The following XIRP2 variants were observed in gnomAD, a reference collection of about 807,000 sequenced individuals.
XIRP2 encodes xin actin-binding repeat-containing protein 2.
In XIRP2, 236 loss-of-function variants were observed where a neutral mutation model predicts 277.0. The ratio of observed to expected loss-of-function variants is 0.85; its 90% confidence interval spans 0.77 to 0.95. The LOEUF (loss-of-function observed/expected upper bound fraction) is 0.95, where lower values mean the gene tolerates loss of function less well. XIRP2 is among the 40% of genes least tolerant of loss of function. The pLI, the probability that XIRP2 is intolerant of heterozygous loss-of-function variation, is 0.00. For missense variants in XIRP2, 4,640 were observed against 4,157.5 expected (o/e 1.12, Z -3.19); for synonymous variants, 1,490 against 1,416.5 (o/e 1.05, Z -1.17).
intron 3 of XIRP2, among the ~76,000 whole-genome samples, chr2:167,162,093 AC>A (rs1477326672): frequency 1.3e-5 from 2 of 151,818 alleles, no homozygotes; most frequent in Non-Finnish European, 2.9e-5. Flanking sequence ...TACATCTGAG[AC>A]CCCCTCAGCC....
At chr2:166,961,810 C>T (rs1169975873) in intron 2 of XIRP2, among the ~76,000 whole-genome samples, 1 of 151,678 alleles carries the variant, frequency 6.6e-6, no homozygotes, top group Non-Finnish European at 1.5e-5. Flanking sequence ...ATACTTTCAA[C>T]TTTACTTTTT....
At chr2:167,079,975 A>C (rs1182097632) in intron 2 of XIRP2, among the ~76,000 whole-genome samples, 4 of 151,642 alleles carry the variant, frequency 2.6e-5, no homozygotes, top group African/African-American at 9.7e-5. Flanking sequence ...TTGTGATGTT[A>C]GATTTTTAAT....
In XIRP2 at chr2:166,949,677, C is replaced by T. The variant is rs1218972817; in HGVS notation, c.408+45787C>T. On this transcript the variant is annotated intron_variant, in intron 2 of 10. Transcript: ENST00000409195. ...TTCATGTCAGACAATCTATCACCAA[C>T]TGTGATTAATTTAATATTACTACAA... 2.0e-5 allele frequency among the ~76,000 whole-genome samples: 3 copies of T among 152,044 alleles called. No individual in the cohort carries two copies. The East Asian group carries it at 5.8e-4, about 29-fold the overall frequency.
At position 167,244,849 on chromosome 2, in the gene XIRP2, A is replaced by G. The variant is rs1695197186; in HGVS notation, c.3457A>G (p.Lys1153Glu). 1 of 1,613,610 alleles carries G rather than the reference A, an allele frequency of 6.2e-7. No homozygotes were observed. Among genetic ancestry groups the G allele is most frequent in the African/African-American group, 1.3e-5 (1 of 74,886 alleles). The change falls in exon 9 of 11, where the codon AAA becomes GAA. Residue 1153 changes from lysine to glutamate, a missense_variant. Coordinates refer to ENST00000409195, the MANE Select transcript of XIRP2 (RefSeq NM_152381.6). Reference protein sequence around the residue: ...SETAVKLQTVKQEEIQGGDVR... With the variant: ...SETAVKLQTVEQEEIQGGDVR... ...AACAGCAGTCAAATTGCAAACTGTA[A>G]AACAGGAGGAGATCCAAGGTGGGGA...
intron 5 of XIRP2, among the ~76,000 whole-genome samples, chr2:167,229,773 G>A (rs1694700883): frequency 6.6e-6 from 1 of 152,080 alleles, no homozygotes; most frequent in Non-Finnish European, 1.5e-5. Context: ...AAAAGTAAGA[G>A]ACATTAAGAA....
Position 166,977,172 on chromosome 2 carries a change from C to T in XIRP2, c.408+73282C>T, listed in dbSNP as rs567051063. Among the ~76,000 whole-genome samples, 3 of 152,108 alleles carry T rather than the reference C, an allele frequency of 2.0e-5. No homozygotes were observed. In the East Asian group the frequency reaches 5.8e-4, roughly 29 times the overall value. ...AAAATCCTTTTTTTAAAAAGTTTGGCCATGATGTACTTAGCTGTCAGTGTG... is the reference window on the plus strand; with the variant it reads ...AAAATCCTTTTTTTAAAAAGTTTGGTCATGATGTACTTAGCTGTCAGTGTG... On this transcript the variant is annotated intron_variant, in intron 2 of 10. Coordinates refer to ENST00000409195, the MANE Select transcript of XIRP2 (RefSeq NM_152381.6).
intron 2 of XIRP2, among the ~76,000 whole-genome samples, chr2:166,971,576 A>G (rs1158000075): frequency 1.3e-5 from 2 of 152,020 alleles, no homozygotes; most frequent in East Asian, 3.9e-4. Context: ...ATTATTTGCT[A>G]GGTATAATTA....
chr2:167,251,242 G>T lies in XIRP2; in HGVS notation c.9850G>T (p.Val3284Leu). 6.2e-7 allele frequency: 1 copy of T among 1,613,546 alleles called. No individual in the cohort carries two copies. Among genetic ancestry groups the T allele is most frequent in the Non-Finnish European group, 8.5e-7 (1 of 1,179,696 alleles). The change falls in exon 9 of 11, where the codon GTG (valine) becomes TTG (leucine). Residue 3284 changes from valine (V) to leucine (L), a missense_variant. By Grantham distance (32) the Val-to-Leu change is conservative (BLOSUM62 1). Transcript: ENST00000409195. Reference protein sequence around the residue: ...KDGLNSTDHMVPDTESYDAVE... With the variant: ...KDGLNSTDHMLPDTESYDAVE... ...TGGACTAAATTCCACTGATCACATG[G>T]TGCCCGACACTGAAAGTTATGATGC...
chr2:167,042,089 TA>T lies in XIRP2; in HGVS notation c.409-93818del, dbSNP rs1395314413. 3.9e-5 allele frequency among the ~76,000 whole-genome samples: 6 copies of T among 152,262 alleles called. No homozygotes were observed. In the East Asian group the frequency reaches 1.2e-3, roughly 29 times the overall value. ...CTAAGAATTTCATATCCAGCCAAAC[TA>T]AGTTTCATAAGCAAAGGAGAAATAA... is the stretch of plus-strand genomic sequence containing the variant. On this transcript the variant is annotated intron_variant, in intron 2 of 10. Transcript: ENST00000409195.
chr2:167,073,322 G>A (rs545826270), intron 2 of XIRP2, among the ~76,000 whole-genome samples: 1 of 152,132 alleles, frequency 6.6e-6, no homozygotes, highest in Admixed American at 6.5e-5. Context: ...TTAAGTTTAA[G>A]GAAAGTTTCT....
rs557273826 is a variant in XIRP2 at position 166,995,113 on chromosome 2, C to T, written c.408+91223C>T. Among the ~76,000 whole-genome samples the T allele has an allele frequency of 4.6e-5, 7 of 152,240 alleles. No homozygotes were observed. The East Asian group carries it at 1.2e-3, about 25-fold the overall frequency. ...GCCAGGGTGGTCTCAATTTCTTGACCTCGTGATCCCCCCACCTCGGCCTCC... is the reference window on the plus strand; with the variant it reads ...GCCAGGGTGGTCTCAATTTCTTGACTTCGTGATCCCCCCACCTCGGCCTCC... On this transcript the variant is annotated intron_variant, in intron 2 of 10. Transcript: ENST00000409195.
intron 5 of XIRP2, among the ~76,000 whole-genome samples, chr2:167,231,790 A>G (rs73029738): frequency 0.17 from 26,470 of 151,874 alleles, 2,984 homozygotes; most frequent in African/African-American, 0.32. Context: ...ATCAATTTTG[A>G]TAATGGCTGG....
intron 2 of XIRP2, among the ~76,000 whole-genome samples, chr2:166,907,216 CA>C (rs1285458988): frequency 6.6e-6 from 1 of 152,142 alleles, no homozygotes; most frequent in East Asian, 1.9e-4. Context: ...TTCGTGTAAG[CA>C]TCCTCTCAAA....
rs748485318 is a variant in XIRP2, at chr2:167,245,388, T to C, written c.3996T>C (p.His1332=). The C allele has an allele frequency of 1.1e-5, 18 of 1,613,564 alleles. No homozygotes were observed. The Admixed American group carries it at 2.2e-4, about 19-fold the overall frequency. Residue 1332 remains histidine (H), a synonymous_variant, in exon 9 of 11, where the codon CAT becomes CAC. Transcript: ENST00000409195. ...TTCAAGACCGAGAAGGGTCCTATCATGAAGTGACCACAGTTAAAAAAGAAG... is the reference window on the plus strand; with the variant it reads ...TTCAAGACCGAGAAGGGTCCTATCACGAAGTGACCACAGTTAAAAAAGAAG... The part of the protein sequence containing the change: ...YAIQDREGSY[H]EVTTVKKEEV...
At position 167,076,568 on chromosome 2, in the gene XIRP2, C is replaced by T. The variant is rs2105256803; in HGVS notation, c.409-59341C>T. On this transcript the variant is annotated intron_variant, in intron 2 of 10. Coordinates refer to ENST00000409195, the MANE Select transcript of XIRP2 (RefSeq NM_152381.6). ...AGATTTTATTAAAGATGAAGGAGGT[C>T]CATATATTCTTCCTTAATTACAGTT... Among the ~76,000 whole-genome samples, 2 of 152,194 alleles carry T rather than the reference C, an allele frequency of 1.3e-5. 1 individual carries two copies. The highest frequency in any genetic ancestry group is 4.1e-4 in the South Asian group (2 of 4,822).
intron 2 of XIRP2, among the ~76,000 whole-genome samples, chr2:167,050,605 A>G (rs1184861323): frequency 6.6e-6 from 1 of 151,918 alleles, no homozygotes; most frequent in Non-Finnish European, 1.5e-5. Flanking sequence ...CTAGGATCAC[A>G]CCCTATAGAT....
chr2:167,249,222 C>T lies in XIRP2; in HGVS notation c.7830C>T (p.Pro2610=), dbSNP rs772952643. 2.0e-5 allele frequency: 32 copies of T among 1,613,538 alleles called. No individual in the cohort carries two copies. Among genetic ancestry groups the T allele is most frequent in the Admixed American group, 1.0e-4 (6 of 59,940 alleles). The change falls in exon 9 of 11, where the codon CCC becomes CCT. Residue 2610 remains proline, a synonymous_variant. Coordinates refer to ENST00000409195, the MANE Select transcript of XIRP2 (RefSeq NM_152381.6). ...GIDSECTVVQ[P]SPGSQSNARI... ...ATTCAGAATGCACTGTGGTTCAACC[C>T]AGCCCAGGCTCTCAAAGTAATGCTC... is the stretch of plus-strand genomic sequence containing the variant.
At chr2:167,185,414 T>C (rs572914592) in intron 3 of XIRP2, among the ~76,000 whole-genome samples, 1 of 152,234 alleles carries the variant, frequency 6.6e-6, no homozygotes, top group South Asian at 2.1e-4. Flanking sequence ...TTAATGTATA[T>C]GTATTTTTAT....
intron 2 of XIRP2, among the ~76,000 whole-genome samples, chr2:167,112,529 A>G (rs1259739415): frequency 6.7e-6 from 1 of 148,538 alleles, no homozygotes; most frequent in East Asian, 2.0e-4. Context: ...CTCTCTCTAT[A>G]TATATATACC....
Sources: gnomAD v4.1 joint callset for allele counts (sites outside exome capture counted in the v4.1 genomes callset) on GRCh38, gnomAD v4.1.1 for gene constraint, MANE v1.5 for transcripts, NCBI Gene and HGNC (gene_info 2026-07-23, HGNC 2026-07-21) for gene names.